The following KLRG1 variants were observed in gnomAD, a reference collection of about 807,000 sequenced individuals.
KLRG1 encodes killer cell lectin-like receptor subfamily G member 1.
A neutral mutation model predicts 21.8 loss-of-function variants in KLRG1; 16 were observed. The observed-to-expected ratio is 0.73, with a 90% CI of 0.50 to 1.11. The LOEUF is 1.11. KLRG1 is among the 50% of genes most tolerant of loss of function. The pLI, the probability that KLRG1 is intolerant of heterozygous loss-of-function variation, is 0.00. For missense variants in KLRG1, 173 were observed against 218.3 expected (o/e 0.79, Z 1.31); for synonymous variants, 69 against 75.9 (o/e 0.91, Z 0.47).
the KLRG1 span, chr12:9,160,395 T>C: frequency 6.2e-7 from 1 of 1,614,138 alleles, no homozygotes; most frequent in Non-Finnish European, 8.5e-7. Context: ...AAGACATAGA[T>C]GTTAGGAGCA....
chr12:9,089,328 T>C, the KLRG1 span: 7 of 1,031,548 alleles, frequency 6.8e-6, no homozygotes, highest in Non-Finnish European at 1.0e-5. Context: ...GGACCACAGA[T>C]ATTTGGATAG....
intron 1 of KLRG1, among the ~76,000 whole-genome samples, chr12:8,973,775 T>C (rs371605011): frequency 1.3e-5 from 2 of 152,334 alleles, no homozygotes; most frequent in South Asian, 2.1e-4. Context: ...ATTCAACTCT[T>C]TGGCTAAATA....
the KLRG1 span, among the ~76,000 whole-genome samples, chr12:9,184,317 C>T: frequency 2.6e-5 from 4 of 152,324 alleles, no homozygotes; most frequent in Middle Eastern, 3.4e-3. Flanking sequence ...ACAAAACACA[C>T]AAACCCACCC....
the KLRG1 span, among the ~76,000 whole-genome samples, chr12:9,209,230 A>T: frequency 2.0e-5 from 3 of 152,100 alleles, no homozygotes; most frequent in African/African-American, 4.8e-5. Context: ...GTCTGTTTAC[A>T]TACTGTATTG....
chr12:9,087,579 G>T, the KLRG1 span, among the ~76,000 whole-genome samples: 1 of 152,072 alleles, frequency 6.6e-6, no homozygotes, highest in South Asian at 2.1e-4. Context: ...TTCTTTTTGG[G>T]ATCTATTGCA....
At chr12:9,193,177 C>T in the KLRG1 span, among the ~76,000 whole-genome samples, 1 of 152,100 alleles carries the variant, frequency 6.6e-6, no homozygotes, top group Non-Finnish European at 1.5e-5. Flanking sequence ...AGCATTTATG[C>T]CTCTTATCAT....
chr12:9,194,733 G>C, the KLRG1 span, among the ~76,000 whole-genome samples: 1 of 152,088 alleles, frequency 6.6e-6, no homozygotes, highest in African/African-American at 2.4e-5. Flanking sequence ...GAAAGTGCTG[G>C]GATTACAGGC....
intron 3 of KLRG1, among the ~76,000 whole-genome samples, chr12:9,000,199 C>T (rs1194313735): frequency 6.6e-6 from 1 of 152,068 alleles, no homozygotes; most frequent in Non-Finnish European, 1.5e-5. Context: ...TCTGAGATGA[C>T]ATGTCAGAAG....
chr12:8,985,638 G>C (rs1281478879), upstream of KLRG1, among the ~76,000 whole-genome samples: 1 of 152,170 alleles, frequency 6.6e-6, no homozygotes, highest in African/African-American at 2.4e-5. Context: ...AGAACTCAGG[G>C]AAACCCTTAT....
chr12:9,101,398 A>G, the KLRG1 span: 1 of 1,492,254 alleles, frequency 6.7e-7, no homozygotes, highest in South Asian at 1.2e-5. Flanking sequence ...CTTGCTCCAC[A>G]GAGAGCTTTT....
the KLRG1 span, chr12:9,159,848 T>C: frequency 1.7e-6 from 2 of 1,158,538 alleles, no homozygotes; most frequent in African/African-American, 3.1e-5. Flanking sequence ...AGGTATTCTG[T>C]TATAAGCAAC....
the KLRG1 span, among the ~76,000 whole-genome samples, chr12:9,038,856 G>C: frequency 2.7e-5 from 4 of 148,738 alleles, no homozygotes; most frequent in Non-Finnish European, 4.4e-5. Context: ...AGTGAGCAGA[G>C]ATCGTGGGCT....
the KLRG1 span, among the ~76,000 whole-genome samples, chr12:9,120,187 C>T: frequency 1.3e-5 from 2 of 152,156 alleles, no homozygotes; most frequent in Non-Finnish European, 2.9e-5. Flanking sequence ...TTCTGGGTTT[C>T]GCTATAGGAA....
chr12:8,954,500 G>A (rs959985592), intron 1 of KLRG1, among the ~76,000 whole-genome samples: 1 of 151,530 alleles, frequency 6.6e-6, no homozygotes, highest in Non-Finnish European at 1.5e-5. Flanking sequence ...ATGTATATGT[G>A]TATCAATCAA....
the KLRG1 span, among the ~76,000 whole-genome samples, chr12:9,062,109 A>T: frequency 6.7e-6 from 1 of 149,504 alleles, no homozygotes; most frequent in African/African-American, 2.4e-5. Context: ...AAATCACCTG[A>T]CACAATAGAT....
At chr12:9,160,600 A>G in the KLRG1 span, 2 of 972,084 alleles carry the variant, frequency 2.1e-6, no homozygotes, top group Non-Finnish European at 3.1e-6. Context: ...GTAAGAGAAA[A>G]GTTATATACA....
the KLRG1 span, among the ~76,000 whole-genome samples, chr12:9,021,426 A>C: frequency 1.4e-5 from 2 of 140,704 alleles, no homozygotes; most frequent in East Asian, 2.0e-4. Flanking sequence ...TTTGAGACAC[A>C]GTTTTGCTTT....
At chr12:9,143,677 A>C in the KLRG1 span, among the ~76,000 whole-genome samples, 2 of 152,138 alleles carry the variant, frequency 1.3e-5, no homozygotes, top group South Asian at 4.1e-4. Flanking sequence ...GAATTTGAAA[A>C]ATCAAAGGTG....
chr12:9,099,454 T>C, the KLRG1 span: 7 of 1,606,796 alleles, frequency 4.4e-6, no homozygotes, highest in Admixed American at 3.4e-5. Flanking sequence ...TAAAACAGCA[T>C]AGATGAGCAA....
Sources: gnomAD v4.1 joint callset for allele counts (sites outside exome capture counted in the v4.1 genomes callset) on GRCh38, gnomAD v4.1.1 for gene constraint, MANE v1.5 for transcripts, NCBI Gene and HGNC (gene_info 2026-07-23, HGNC 2026-07-21) for gene names.